Variants in SYNE3 observed in about 807,000 individuals in gnomAD.
SYNE3 encodes the protein spectrin repeat containing nuclear envelope family member 3.
Under a neutral mutation model 111.2 loss-of-function variants are expected in SYNE3, and 100 were observed. The ratio of observed to expected loss-of-function variants is 0.90; its 90% confidence interval spans 0.77 to 1.06. The LOEUF is 1.06. SYNE3 is among the 50% of genes least tolerant of loss of function. The probability of loss-of-function intolerance (pLI) is 0.00; values close to 1 mark genes in which losing one functional copy is unlikely to be tolerated. For missense variants in SYNE3, 1,160 were observed against 1,240.3 expected, an observed-to-expected ratio of 0.94 and a Z score of 0.97; for synonymous variants, 547 against 533.9, an observed-to-expected ratio of 1.02 and a Z score of -0.34.
At chr14:95,461,743 C>T (rs1012824378) in intron 4 of SYNE3, among the ~76,000 whole-genome samples, 2 of 152,244 alleles carry the variant, frequency 1.3e-5, no homozygotes, top group Admixed American at 6.5e-5. Flanking sequence ...CAGGAAGGCA[C>T]GAGGACAGAA....
chr14:95,502,909 C>T (rs1482595873), intron 1 of SYNE3, among the ~76,000 whole-genome samples: 1 of 152,202 alleles, frequency 6.6e-6, no homozygotes, highest in East Asian at 1.9e-4. Flanking sequence ...CGAGTTTCCA[C>T]CAAAGACATT....
intron 8 of SYNE3, 121 bp downstream of exon 8, chr14:95,449,810 T>G: frequency 7.0e-7 from 1 of 1,438,210 alleles, no homozygotes; most frequent in Non-Finnish European, 9.3e-7. Flanking sequence ...CCGGGCGCAG[T>G]GAGCTCTCCC....
At chr14:95,509,425 C>T (rs1456535725) in intron 1 of SYNE3, among the ~76,000 whole-genome samples, 1 of 152,214 alleles carries the variant, frequency 6.6e-6, no homozygotes, top group Non-Finnish European at 1.5e-5. Context: ...TACCAGTGAT[C>T]TGGACCCTCC....
At chr14:95,494,796 A>G (rs1402985316) in intron 1 of SYNE3, among the ~76,000 whole-genome samples, 1 of 152,108 alleles carries the variant, frequency 6.6e-6, no homozygotes. Context: ...CATCCTATTT[A>G]TTGTAAACCT....
chr14:95,515,219 C>T (rs1416641361), intron 1 of SYNE3, among the ~76,000 whole-genome samples: 2 of 152,234 alleles, frequency 1.3e-5, no homozygotes, highest in Admixed American at 1.3e-4. Flanking sequence ...GAAAACAACG[C>T]CTGGGGCCAG....
Position 95,471,860 on chromosome 14 carries a change from G to A in SYNE3, c.144+3818C>T, listed in dbSNP as rs902624009. Among the ~76,000 whole-genome samples the A allele has an allele frequency of 2.0e-5, 3 of 152,206 alleles. No individual in the cohort carries two copies. In the East Asian group the frequency reaches 5.8e-4, roughly 29 times the overall value. On this transcript the variant is annotated intron_variant, in intron 2 of 17. Transcript: ENST00000682763. ...GGATCGGATGTAAGGAAACACCTTG[G>A]AGAGAAGTATCAGGAGACCAGGAAA...
rs1360049386 is a variant in SYNE3 at position 95,409,491 on chromosome 14, C to T, written c.*8335G>A. On this transcript the variant is annotated 3_prime_UTR_variant, in exon 18 of 18. Coordinates refer to ENST00000682763, the MANE Select transcript of SYNE3 (RefSeq NM_152592.6). ...GGAAGCCCAGGATCCTCGGGGGAAA[C>T]CGAGGTCCCTCCTTATGATTGCTGT... The T allele has an allele frequency of 4.8e-6, 2 of 415,596 alleles. No homozygotes were observed. Among genetic ancestry groups the T allele is most frequent in the Non-Finnish European group, 9.5e-6 (2 of 209,478 alleles). The allele number at this position is 415,596 out of a possible 1,614,324, so 25.7% of individuals were successfully genotyped here.
intron 1 of SYNE3, among the ~76,000 whole-genome samples, chr14:95,493,462 G>A (rs934962888): frequency 6.6e-6 from 1 of 152,314 alleles, no homozygotes; most frequent in South Asian, 2.1e-4. Flanking sequence ...ATTGAACTCC[G>A]GAGCTGCAGC....
At chr14:95,514,591 C>T (rs1212239958) in intron 1 of SYNE3, among the ~76,000 whole-genome samples, 1 of 152,224 alleles carries the variant, frequency 6.6e-6, no homozygotes, top group Non-Finnish European at 1.5e-5. Context: ...CTCATGAGGC[C>T]CTGCGAGGCA....
At position 95,475,670 on chromosome 14, in the gene SYNE3, C is replaced by T. The variant is rs184383142; in HGVS notation, c.144+8G>A. On this transcript the variant is annotated splice_region_variant and intron_variant, in intron 2 of 17. Transcript: ENST00000682763. Reference sequence around the variant, plus strand: ...CACAGGGCCATCTGAGGCCACGCCTCTGCATACCTCGGTCTCCCACAGCCT... The same window carrying T: ...CACAGGGCCATCTGAGGCCACGCCTTTGCATACCTCGGTCTCCCACAGCCT... 104 of 1,538,878 alleles carry T rather than the reference C, an allele frequency of 6.8e-5. No individual in the cohort carries two copies. The African/African-American group carries it at 1.1e-3, about 17-fold the overall frequency.
chr14:95,489,239 C>A (rs1206939605), intron 1 of SYNE3, among the ~76,000 whole-genome samples: 1 of 152,236 alleles, frequency 6.6e-6, no homozygotes, highest in Non-Finnish European at 1.5e-5. Context: ...ATGGGGCTTT[C>A]TGAGCTCCCC....
intron 1 of SYNE3, among the ~76,000 whole-genome samples, chr14:95,514,187 G>T (rs1023822743): frequency 2.0e-5 from 3 of 152,138 alleles, no homozygotes; most frequent in African/African-American, 7.2e-5. Flanking sequence ...GGCCAAAGTG[G>T]TTAACTGAAA....
chr14:95,408,120 C>T lies in SYNE3; in HGVS notation c.*9706G>A, dbSNP rs1272312772. On this transcript the variant is annotated 3_prime_UTR_variant, in exon 18 of 18. Coordinates refer to ENST00000682763, the MANE Select transcript of SYNE3 (RefSeq NM_152592.6). Reference sequence around the variant, plus strand: ...AGGTCATGAGCAGGCCAAACTCACTCTACCCGACCTGCTGCCTCCAGGATG... The same window carrying T: ...AGGTCATGAGCAGGCCAAACTCACTTTACCCGACCTGCTGCCTCCAGGATG... 6.6e-6 allele frequency: 1 copy of T among 152,212 alleles called. No homozygotes were observed. 9.4% of individuals were successfully genotyped at this position (152,212 alleles called of 1,614,324 possible). A position where few individuals can be genotyped will look rare whatever the true frequency, so the allele number is the denominator to read the frequency against.
At chr14:95,450,264 G>A in intron 7 of SYNE3, 159 bp from the exon 8 acceptor site, 1 of 828,208 alleles carries the variant, frequency 1.2e-6, no homozygotes, top group East Asian at 2.7e-5. Flanking sequence ...GCAGTAGACA[G>A]AAGATGTAGC....
intron 17 of SYNE3, among the ~76,000 whole-genome samples, chr14:95,423,819 G>T (rs1169114551): frequency 1.8e-5 from 2 of 109,796 alleles, no homozygotes; most frequent in Non-Finnish European, 1.9e-5. Context: ...TGAGGATTTG[G>T]TAGGCATGGG....
chr14:95,419,199 T>A lies in SYNE3; in HGVS notation c.2728-1173A>T, dbSNP rs114401684. Among the ~76,000 whole-genome samples the A allele has an allele frequency of 9.8e-3, 1,498 of 152,268 alleles. 25 individuals carry two copies. The highest frequency in any genetic ancestry group is 0.034 in the African/African-American group (1,431 of 41,534). ...AAGAGTGAGGCCCTCATGGTCAAGA[T>A]GCTGCAGAGTGCAGGACGAGCCCAG... On this transcript the variant is annotated intron_variant, in intron 17 of 17. Transcript: ENST00000682763.
rs895246610 is a variant in SYNE3, at chr14:95,418,046, C to T, written c.2728-20G>A. 1.2e-6 allele frequency: 2 copies of T among 1,604,996 alleles called. No homozygotes were observed. Among genetic ancestry groups the T allele is most frequent in the East Asian group, 2.2e-5 (1 of 44,872 alleles). ...CCGAGTCTGCGGAACCAACACAGCA[C>T]AGGTGAGTGGGCTGGGGGGCTCTGG... is the stretch of plus-strand genomic sequence containing the variant. On this transcript the variant is annotated intron_variant, in intron 17 of 17. Coordinates refer to ENST00000682763, the MANE Select transcript of SYNE3 (RefSeq NM_152592.6).
At chr14:95,514,763 C>T (rs1595268575) in intron 1 of SYNE3, among the ~76,000 whole-genome samples, 1 of 152,346 alleles carries the variant, frequency 6.6e-6, no homozygotes, top group Admixed American at 6.5e-5. Context: ...CTGGACAATG[C>T]GGGAAGCCTA....
At chr14:95,502,703 C>G (rs939205373) in intron 1 of SYNE3, among the ~76,000 whole-genome samples, 1 of 152,190 alleles carries the variant, frequency 6.6e-6, no homozygotes, top group Non-Finnish European at 1.5e-5. Context: ...AGGAACTCAC[C>G]TCTGGCATTC....
Sources: allele counts gnomAD v4.1 joint callset (sites outside exome capture counted in the v4.1 genomes callset), GRCh38; gene constraint gnomAD v4.1.1; transcripts MANE v1.5; gene names NCBI Gene and HGNC (gene_info 2026-07-23, HGNC 2026-07-21).